The following CRB1 variants were observed in gnomAD, a reference collection of about 807,000 sequenced individuals.
CRB1 encodes crumbs cell polarity complex component 1, also known as protein crumbs homolog 1.
In CRB1, 83 loss-of-function variants were observed where a neutral mutation model predicts 120.0. The observed-to-expected ratio is 0.69, with a 90% CI of 0.58 to 0.83. The LOEUF (loss-of-function observed/expected upper bound fraction) is 0.83. Among genes scored for constraint, CRB1 ranks in the 40% least tolerant of loss-of-function variants. CRB1 has a pLI of 0.00. For synonymous variants in CRB1, 625 were observed against 612.5 expected, an observed-to-expected ratio of 1.02 and a Z score of -0.30; for missense variants, 1,699 against 1,687.6, an observed-to-expected ratio of 1.01 and a Z score of -0.12.
chr1:197,430,405 T>G (rs1431968658), intron 8 of CRB1, among the ~76,000 whole-genome samples: 1 of 152,220 alleles, frequency 6.6e-6, no homozygotes, highest in African/African-American at 2.4e-5. Context: ...TTTTCCATCA[T>G]TACAAAAAAT....
intron 1 of CRB1, among the ~76,000 whole-genome samples, chr1:197,300,629 G>A (rs981570201): frequency 3.3e-5 from 5 of 152,190 alleles, no homozygotes; most frequent in African/African-American, 1.2e-4. Flanking sequence ...AGTAGCAGGT[G>A]CTAATGTAAA....
chr1:197,287,850 G>A (rs535375086), intron 1 of CRB1, among the ~76,000 whole-genome samples: 5 of 151,714 alleles, frequency 3.3e-5, no homozygotes, highest in Non-Finnish European at 7.4e-5. Flanking sequence ...GGAGTAGGTG[G>A]GACTGGATTC....
rs544176562 is a variant in CRB1, at chr1:197,359,012, C to A, written c.1171+1999C>A. Reference sequence around the variant, plus strand: ...TATGTCACATATTTTTATGTCTACACGTTTTTCTATATTTTGTTTTTAAAT... The same window carrying A: ...TATGTCACATATTTTTATGTCTACAAGTTTTTCTATATTTTGTTTTTAAAT... On this transcript the variant is annotated intron_variant, in intron 5 of 11. Transcript: ENST00000367400. Among the ~76,000 whole-genome samples the A allele has an allele frequency of 1.1e-4, 16 of 152,156 alleles. No individual in the cohort carries two copies. The East Asian group carries it at 3.1e-3, about 29-fold the overall frequency.
chr1:197,382,568 C>T (rs996915136), intron 5 of CRB1, among the ~76,000 whole-genome samples: 2 of 152,068 alleles, frequency 1.3e-5, no homozygotes, highest in Admixed American at 1.3e-4. Context: ...TTCAAAGAAA[C>T]ATCTGGGTTT....
At chr1:197,453,212 G>T (rs1666052429) in intron 11 of CRB1, among the ~76,000 whole-genome samples, 1 of 149,840 alleles carries the variant, frequency 6.7e-6, no homozygotes, top group African/African-American at 2.4e-5. Context: ...AGTGCTAGGA[G>T]CTAGGGGGAA....
chr1:197,473,865 A>AT (rs397971269), intron 11 of CRB1, among the ~76,000 whole-genome samples: 1 of 151,892 alleles, frequency 6.6e-6, no homozygotes. Flanking sequence ...AAAAAAAAAA[A>AT]GCCTTTCAAC....
intron 11 of CRB1, among the ~76,000 whole-genome samples, chr1:197,465,367 A>G (rs1432064598): frequency 3.9e-5 from 6 of 152,180 alleles, no homozygotes; most frequent in Admixed American, 6.6e-5. Context: ...GTAAAGTCAT[A>G]CATAAGGTTT....
At chr1:197,461,724 G>A (rs994467233) in intron 11 of CRB1, among the ~76,000 whole-genome samples, 1 of 152,198 alleles carries the variant, frequency 6.6e-6, no homozygotes, top group Middle Eastern at 3.4e-3. Context: ...GATTGGGCTC[G>A]ACACATGAAT....
intron 5 of CRB1, among the ~76,000 whole-genome samples, chr1:197,386,049 A>C (rs1662200375): frequency 6.6e-6 from 1 of 152,008 alleles, no homozygotes; most frequent in Non-Finnish European, 1.5e-5. Context: ...TCATATGTCT[A>C]GGGGCTAAAA....
intron 5 of CRB1, among the ~76,000 whole-genome samples, chr1:197,370,011 T>C (rs1202313886): frequency 2.0e-5 from 3 of 152,122 alleles, no homozygotes; most frequent in African/African-American, 7.2e-5. Flanking sequence ...AAATTAGTCT[T>C]CCATCCTCAT....
chr1:197,458,142 A>G (rs756659050), intron 11 of CRB1, among the ~76,000 whole-genome samples: 25 of 152,084 alleles, frequency 1.6e-4, no homozygotes, highest in Non-Finnish European at 5.9e-5. Flanking sequence ...CCCAAAAGAT[A>G]ATCAACGTCA....
the CRB1 span, among the ~76,000 whole-genome samples, chr1:197,237,775 T>G: frequency 6.6e-6 from 1 of 152,168 alleles, no homozygotes; most frequent in Non-Finnish European, 1.5e-5. Flanking sequence ...TTGGCAGAGG[T>G]TCATCAATTT....
the CRB1 span, among the ~76,000 whole-genome samples, chr1:197,243,077 A>G: frequency 6.6e-6 from 1 of 151,216 alleles, no homozygotes; most frequent in Non-Finnish European, 1.5e-5. Context: ...CTCCTTCATT[A>G]GTCTGGCTAG....
intron 5 of CRB1, among the ~76,000 whole-genome samples, chr1:197,387,318 A>G (rs982607803): frequency 5.9e-5 from 9 of 152,122 alleles, no homozygotes; most frequent in South Asian, 2.1e-4. Flanking sequence ...AATAAAGCTA[A>G]TGTAGCTAAT....
chr1:197,319,052 G>A (rs1658019551), intron 1 of CRB1, among the ~76,000 whole-genome samples: 1 of 151,686 alleles, frequency 6.6e-6, no homozygotes, highest in African/African-American at 2.4e-5. Context: ...AATAGGACCT[G>A]ATAATATCTT....
intron 1 of CRB1, among the ~76,000 whole-genome samples, chr1:197,313,832 G>A (rs779216857): frequency 6.6e-6 from 1 of 152,136 alleles, no homozygotes; most frequent in Admixed American, 6.5e-5. Context: ...ATCTGTTGAT[G>A]GACACAGGTT....
intron 5 of CRB1, among the ~76,000 whole-genome samples, chr1:197,389,736 G>C (rs1280896467): frequency 2.0e-5 from 3 of 152,000 alleles, no homozygotes; most frequent in Non-Finnish European, 4.4e-5. Flanking sequence ...AGGGCTATTG[G>C]TTTCAGTTCA....
At chr1:197,300,902 T>A (rs1656823769) in intron 1 of CRB1, among the ~76,000 whole-genome samples, 1 of 152,114 alleles carries the variant, frequency 6.6e-6, no homozygotes, top group African/African-American at 2.4e-5. Context: ...CCCTTACAAA[T>A]GGTGCTAAAT....
At chr1:197,289,303 G>A (rs1656025332) in intron 1 of CRB1, among the ~76,000 whole-genome samples, 1 of 151,540 alleles carries the variant, frequency 6.6e-6, no homozygotes, top group Admixed American at 6.6e-5. Context: ...ATAATATTTT[G>A]TTTTTGAAAA....
Sources: allele counts gnomAD v4.1 joint callset (sites outside exome capture counted in the v4.1 genomes callset), GRCh38; gene constraint gnomAD v4.1.1; transcripts MANE v1.5; gene names NCBI Gene and HGNC (gene_info 2026-07-23, HGNC 2026-07-21).